The following ADRA1A variants were observed in gnomAD, a reference collection of about 807,000 sequenced individuals.
ADRA1A encodes adrenoceptor alpha 1A.
Under a neutral mutation model 29.6 loss-of-function variants are expected in ADRA1A, and 31 were observed. The observed-to-expected ratio is 1.05, with a 90% CI of 0.79 to 1.41. The LOEUF (loss-of-function observed/expected upper bound fraction) is 1.41, where lower values mean the gene tolerates loss of function less well. Among genes scored for constraint, ADRA1A ranks in the 40% most tolerant of loss-of-function variants. The pLI, the probability that ADRA1A is intolerant of heterozygous loss-of-function variation, is 0.00. For synonymous variants in ADRA1A, 311 were observed against 254.3 expected, an observed-to-expected ratio of 1.22 and a Z score of -2.12; for missense variants, 619 against 601.1, an observed-to-expected ratio of 1.03 and a Z score of -0.31.
At chr8:26,843,101 C>G (rs1246239794) in intron 2 of ADRA1A, among the ~76,000 whole-genome samples, 1 of 152,164 alleles carries the variant, frequency 6.6e-6, no homozygotes, top group African/African-American at 2.4e-5. Flanking sequence ...ATTCCTAGAC[C>G]ATTTATAATG....
intron 2 of ADRA1A, among the ~76,000 whole-genome samples, chr8:26,811,677 T>C (rs767728677): frequency 6.6e-6 from 1 of 152,240 alleles, no homozygotes; most frequent in South Asian, 2.1e-4. Flanking sequence ...ACTTAAGATT[T>C]GTAAAGTTCC....
At chr8:26,783,894 T>A (rs1807177061) in intron 2 of ADRA1A, among the ~76,000 whole-genome samples, 1 of 151,622 alleles carries the variant, frequency 6.6e-6, no homozygotes, top group African/African-American at 2.4e-5. Flanking sequence ...ATGGTTGGAG[T>A]TGGAACCTGT....
intron 2 of ADRA1A, among the ~76,000 whole-genome samples, chr8:26,760,275 G>A (rs1335573265): frequency 1.3e-5 from 2 of 152,216 alleles, no homozygotes; most frequent in Admixed American, 6.5e-5. Flanking sequence ...AAGGTGTGCA[G>A]GCCAGGATGC....
chr8:26,801,940 T>C (rs1188167400), intron 2 of ADRA1A, among the ~76,000 whole-genome samples: 1 of 152,060 alleles, frequency 6.6e-6, no homozygotes, highest in Non-Finnish European at 1.5e-5. Context: ...AATAAATTCA[T>C]ACATCTACAG....
intron 2 of ADRA1A, among the ~76,000 whole-genome samples, chr8:26,751,275 A>G (rs1239983611): frequency 6.6e-6 from 1 of 152,230 alleles, no homozygotes; most frequent in Non-Finnish European, 1.5e-5. Context: ...GGATCAGAAC[A>G]TAATAACATG....
In ADRA1A at chr8:26,864,028, C is replaced by T. The variant is rs1813668782; in HGVS notation, c.883+59G>A. 1 of 1,532,156 alleles carries T rather than the reference C, an allele frequency of 6.5e-7. No homozygotes were observed. Among genetic ancestry groups the T allele is most frequent in the East Asian group, 2.3e-5 (1 of 44,366 alleles). The allele number at this position is 1,532,156 out of a possible 1,614,324, so 94.9% of individuals were successfully genotyped here. A position where few individuals can be genotyped will look rare whatever the true frequency, so the allele number is the denominator to read the frequency against. ...ATCCCGGACTGGGAGTCTGGGGTAA[C>T]AGAAGCCGAGGAGGGTGAAGACCCC... is the stretch of plus-strand genomic sequence containing the variant. On this transcript the variant is annotated intron_variant, in intron 2 of 2. Coordinates refer to ENST00000380573, the MANE Select transcript of ADRA1A (RefSeq NM_000680.4). This position sits in a 1 kb window ranked among gnomAD's most constrained non-coding sequence, Gnocchi z 8.1.
At position 26,851,449 on chromosome 8, in the gene ADRA1A, T is replaced by C. The variant is rs537400109; in HGVS notation, c.883+12638A>G. Among the ~76,000 whole-genome samples the C allele has an allele frequency of 5.2e-4, 79 of 152,316 alleles. No homozygotes were observed. In the South Asian group the frequency reaches 5.6e-3, roughly 11 times the overall value. On this transcript the variant is annotated intron_variant, in intron 2 of 2. Transcript: ENST00000380573. ...AGGAAGCATAGAGCCAGAAAGCATATGATAAGTTGACAAAAATCACACCAA... is the reference window on the plus strand; with the variant it reads ...AGGAAGCATAGAGCCAGAAAGCATACGATAAGTTGACAAAAATCACACCAA...
At chr8:26,850,916 G>A (rs751730481) in intron 2 of ADRA1A, among the ~76,000 whole-genome samples, 57 of 152,152 alleles carry the variant, frequency 3.7e-4, no homozygotes, top group Non-Finnish European at 7.3e-4. Flanking sequence ...CACCACTGTC[G>A]CATGGAAGCA....
intron 2 of ADRA1A, among the ~76,000 whole-genome samples, chr8:26,807,021 C>G (rs1198121429): frequency 1.3e-5 from 2 of 152,162 alleles, no homozygotes; most frequent in African/African-American, 4.8e-5. Context: ...GTTCACTGAA[C>G]GAGCTTACTA....
At chr8:26,762,658 G>A (rs945487626), downstream of ADRA1A, among the ~76,000 whole-genome samples, 12 of 152,278 alleles carry the variant, frequency 7.9e-5, no homozygotes, top group African/African-American at 2.2e-4. The surrounding 1 kb of genome is among the most constrained non-coding windows in gnomAD (Gnocchi z 4.0). Context: ...AACAGGGGAC[G>A]AAGAAGGGAA....
chr8:26,794,948 G>A lies in ADRA1A; in HGVS notation c.884-24282C>T, dbSNP rs1200399575. Among the ~76,000 whole-genome samples, 4 of 152,126 alleles carry A rather than the reference G, an allele frequency of 2.6e-5. 1 individual carries two copies. The highest frequency in any genetic ancestry group is 5.9e-5 in the Non-Finnish European group (4 of 68,004). On this transcript the variant is annotated intron_variant, in intron 2 of 2. Transcript: ENST00000380573. ...AATGGAAAAGGCAACTTATTAAGATGTGTATCCTGTGTACTATAATAATTT... is the reference window on the plus strand; with the variant it reads ...AATGGAAAAGGCAACTTATTAAGATATGTATCCTGTGTACTATAATAATTT...
chr8:26,816,292 C>G (rs1281790382), intron 2 of ADRA1A, among the ~76,000 whole-genome samples: 1 of 152,098 alleles, frequency 6.6e-6, no homozygotes, highest in East Asian at 1.9e-4. Context: ...AACCGTATTC[C>G]ATGAAGGTGG....
chr8:26,801,313 A>G (rs1808561054), intron 2 of ADRA1A, among the ~76,000 whole-genome samples: 1 of 152,178 alleles, frequency 6.6e-6, no homozygotes, highest in Admixed American at 6.5e-5. Context: ...AAGGCATCCA[A>G]ATTGGAAAGG....
chr8:26,782,957 A>T (rs1160248901), intron 2 of ADRA1A, among the ~76,000 whole-genome samples: 1 of 151,566 alleles, frequency 6.6e-6, no homozygotes, highest in East Asian at 1.9e-4. Flanking sequence ...CTTCCACAAC[A>T]TCCAATCACC....
At chr8:26,770,707 C>G (rs750715934) in intron 2 of ADRA1A, 41 bp from the exon 3 acceptor site, 2 of 1,543,088 alleles carry the variant, frequency 1.3e-6, no homozygotes, top group Non-Finnish European at 1.7e-6. Flanking sequence ...TATTTGAAAG[C>G]CAGCAAGCCA....
upstream of ADRA1A, chr8:26,867,362 A>T: frequency 1.0e-6 from 1 of 984,966 alleles, no homozygotes; most frequent in Non-Finnish European, 1.2e-6. Context: ...ATACAGCTGT[A>T]ATGTTTTCCT....
intron 2 of ADRA1A, among the ~76,000 whole-genome samples, chr8:26,820,874 A>G (rs559851436): frequency 1.8e-5 from 2 of 109,350 alleles, no homozygotes; most frequent in Admixed American, 1.0e-4. Context: ...TACCATATGC[A>G]TTAGGCCATT....
At chr8:26,810,045 GC>G (rs1404811039) in intron 2 of ADRA1A, among the ~76,000 whole-genome samples, 2 of 152,168 alleles carry the variant, frequency 1.3e-5, no homozygotes, top group African/African-American at 2.4e-5. Flanking sequence ...AAAACCGGCT[GC>G]CCTTATTACT....
intron 2 of ADRA1A, among the ~76,000 whole-genome samples, chr8:26,810,601 G>A (rs1585737609): frequency 6.6e-6 from 1 of 152,194 alleles, no homozygotes; most frequent in East Asian, 1.9e-4. Context: ...CTCTGGCATG[G>A]TCCAGCTTAA....
Sources: gnomAD v4.1 joint callset for allele counts (sites outside exome capture counted in the v4.1 genomes callset) on GRCh38, gnomAD v4.1.1 for gene constraint, Gnocchi (gnomAD v3.1) non-coding constraint, MANE v1.5 for transcripts, NCBI Gene and HGNC (gene_info 2026-07-23, HGNC 2026-07-21) for gene names.